The following RSRP1 variants were observed in gnomAD, a reference collection of about 807,000 sequenced individuals.
The protein encoded by RSRP1 is arginine/serine-rich protein 1.
Under a neutral mutation model 33.0 loss-of-function variants are expected in RSRP1, and 37 were observed. The ratio of observed to expected loss-of-function variants is 1.12; its 90% CI spans 0.86 to 1.48. The LOEUF (loss-of-function observed/expected upper bound fraction) is 1.48. Ranked by LOEUF, RSRP1 falls within the 40% of genes most tolerant of loss-of-function variation. RSRP1 has a pLI of 0.00. For synonymous variants in RSRP1, 167 were observed against 158.7 expected (o/e 1.05, Z -0.40); for missense variants, 402 against 385.3 (o/e 1.04, Z -0.36).
At chr1:25,314,474 A>C (rs1182893275) in intron 1 of RSRP1, among the ~76,000 whole-genome samples, 2 of 131,828 alleles carry the variant, frequency 1.5e-5, no homozygotes, top group East Asian at 3.9e-4. Context: ...TATGAATCCC[A>C]CTTTGTGCGT....
At position 25,276,537 on chromosome 1, in the gene RSRP1, A is replaced by C. The variant is rs1466484734; in HGVS notation, c.-66-29508T>G. On this transcript the variant is annotated intron_variant, in intron 1 of 1. Coordinates refer to the RSRP1 transcript ENST00000561867. ...GGGAGACCCCCCCCCATCTCTAAAA[A>C]AAAAAAAAAAAAAAAAAACTTTAAA... is the stretch of plus-strand genomic sequence containing the variant. 2.0e-3 allele frequency among the ~76,000 whole-genome samples: 236 copies of C among 115,916 alleles called. 42 individuals are homozygous for C. The highest frequency in any genetic ancestry group is 3.8e-3 in the Non-Finnish European group (192 of 49,978). The allele number at this position is 115,916 out of a possible 152,430, so 76.0% of individuals were successfully genotyped here. A position where few individuals can be genotyped will look rare whatever the true frequency, so the allele number is the denominator to read the frequency against.
chr1:25,263,029 G>C (rs1477610060), intron 1 of RSRP1, among the ~76,000 whole-genome samples: 1 of 152,212 alleles, frequency 6.6e-6, no homozygotes, highest in East Asian at 1.9e-4. Context: ...TTGTAGGGGA[G>C]GCTGCTATGC....
At chr1:25,331,651 T>G (rs1645010094) in intron 1 of RSRP1, among the ~76,000 whole-genome samples, 2 of 109,408 alleles carry the variant, frequency 1.8e-5, no homozygotes, top group Non-Finnish European at 4.1e-5. Context: ...CACTGAAACC[T>G]CCGCCTCCCA....
intron 1 of RSRP1, among the ~76,000 whole-genome samples, chr1:25,302,824 C>A (rs1441915031): frequency 7.6e-6 from 1 of 131,148 alleles, no homozygotes; most frequent in East Asian, 2.0e-4. Context: ...CTTACAATAA[C>A]CTTATGAAGA....
intron 1 of RSRP1, among the ~76,000 whole-genome samples, chr1:25,306,082 G>GT (rs1338768386): frequency 1.5e-5 from 2 of 131,854 alleles, no homozygotes; most frequent in African/African-American, 5.2e-5. Context: ...CAGCTGTGTT[G>GT]TCTTTGGGAT....
chr1:25,321,809 A>T (rs561624876), intron 1 of RSRP1: 6 of 757,158 alleles, frequency 7.9e-6, no homozygotes, highest in Non-Finnish European at 2.3e-6. Context: ...TGTCGTTTTG[A>T]CACACAATAT....
chr1:25,281,140 C>A (rs1641458972), intron 1 of RSRP1, among the ~76,000 whole-genome samples: 1 of 132,732 alleles, frequency 7.5e-6, no homozygotes. Flanking sequence ...GAGCTAGAGA[C>A]AGCCTAGCCT....
intron 1 of RSRP1, chr1:25,267,932 C>A (rs1473682407): frequency 7.5e-6 from 1 of 132,954 alleles, no homozygotes; most frequent in Non-Finnish European, 1.8e-5. Context: ...TTGTGGTGGG[C>A]GTGGCTCCCT....
rs1481359528 is a variant in RSRP1, at chr1:25,290,532, G to T, written c.-66-43503C>A. On this transcript the variant is annotated intron_variant, in intron 1 of 1. Coordinates refer to the RSRP1 transcript ENST00000561867. ...TGTCTTCTATTCCCACAGAAAGTAG[G>T]TGCCCAACAGTGTTTGTTGAAAGAA... The T allele has an allele frequency of 7.1e-6, 7 of 979,940 alleles. 1 individual carries two copies. The highest frequency in any genetic ancestry group is 1.1e-5 in the Non-Finnish European group (7 of 627,632). 60.7% of individuals were successfully genotyped at this position (979,940 alleles called of 1,614,324 possible).
At chr1:25,320,336 T>C (rs1192271753) in intron 1 of RSRP1, among the ~76,000 whole-genome samples, 2 of 132,040 alleles carry the variant, frequency 1.5e-5, no homozygotes, top group African/African-American at 5.2e-5. Context: ...ATGGTTCTGA[T>C]TTTTTTTAAA....
In RSRP1 at chr1:25,282,056, A is replaced by T. The variant is rs1419653930; in HGVS notation, c.-66-35027T>A. Among the ~76,000 whole-genome samples the T allele has an allele frequency of 1.5e-5, 2 of 131,766 alleles. 1 individual carries two copies. Among genetic ancestry groups the T allele is most frequent in the Admixed American group, 1.5e-4 (2 of 13,506 alleles). 86.4% of individuals were successfully genotyped at this position (131,766 alleles called of 152,430 possible). On this transcript the variant is annotated intron_variant, in intron 1 of 1. Transcript: ENST00000561867. ...GATTGTCATGATGATGTTGATGAAC[A>T]GTCACTATTTATTGAGCGTTCTCCA...
chr1:25,244,359 T>C lies in RSRP1; in HGVS notation c.673-726A>G, dbSNP rs952243922. On this transcript the variant is annotated intron_variant, in intron 3 of 4. Transcript: ENST00000243189. ...ATAGTGCCTGTCCCAAATTCTAGCA[T>C]GCACATGGATCTACCAACAAAAAAA... 8.5e-6 allele frequency: 11 copies of C among 1,288,728 alleles called. 1 individual carries two copies. In the South Asian group the frequency reaches 1.4e-4, roughly 16 times the overall value. The allele number at this position is 1,288,728 out of a possible 1,614,324, so 79.8% of individuals were successfully genotyped here.
intron 1 of RSRP1, among the ~76,000 whole-genome samples, chr1:25,252,512 G>A (rs1639820178): frequency 1.3e-5 from 2 of 151,650 alleles, no homozygotes; most frequent in Non-Finnish European, 2.9e-5. Context: ...TGGAGCTTCA[G>A]CGTAGTCTGG....
At chr1:25,243,150 T>C (rs1276292624) in intron 4 of RSRP1, among the ~76,000 whole-genome samples, 1 of 152,082 alleles carries the variant, frequency 6.6e-6, no homozygotes, top group Non-Finnish European at 1.5e-5. Flanking sequence ...TAATTGTAGC[T>C]TGATTCAAAA....
Position 25,286,509 on chromosome 1 carries a change from G to A in RSRP1, c.-66-39480C>T, listed in dbSNP as rs563744952. ...GTCTCAAAAAACAGTTTTAGGGGCC[G>A]GGCGCAGTGGTTCATGCCTGTAATC... On this transcript the variant is annotated intron_variant, in intron 1 of 1. Coordinates refer to the RSRP1 transcript ENST00000561867. Among the ~76,000 whole-genome samples, 16 of 135,008 alleles carry A rather than the reference G, an allele frequency of 1.2e-4. 1 individual carries two copies. Among genetic ancestry groups the A allele is most frequent in the East Asian group, 3.9e-4 (2 of 5,166 alleles). 88.6% of individuals were successfully genotyped at this position (135,008 alleles called of 152,430 possible).
At chr1:25,334,378 C>T (rs1292378547) in intron 1 of RSRP1, among the ~76,000 whole-genome samples, 1 of 132,488 alleles carries the variant, frequency 7.5e-6, no homozygotes, top group African/African-American at 2.6e-5. Flanking sequence ...TCTTGGGCAG[C>T]TCTGCCCCTG....
At chr1:25,270,568 C>T (rs1190755783) in intron 1 of RSRP1, among the ~76,000 whole-genome samples, 1 of 131,986 alleles carries the variant, frequency 7.6e-6, no homozygotes, top group Non-Finnish European at 1.8e-5. Flanking sequence ...AACCTCACCC[C>T]GGTCCATGGA....
At chr1:25,297,065 A>T (rs1643015935) in intron 1 of RSRP1, among the ~76,000 whole-genome samples, 3 of 129,590 alleles carry the variant, frequency 2.3e-5, no homozygotes. Flanking sequence ...TCTAGAAAAA[A>T]ATATATATTT....
chr1:25,261,422 T>TG (rs1640144470), intron 1 of RSRP1, among the ~76,000 whole-genome samples: 1 of 151,070 alleles, frequency 6.6e-6, no homozygotes, highest in Admixed American at 6.6e-5. Flanking sequence ...TTTTTTTTTT[T>TG]GAGACAGAGT....
Sources: allele counts gnomAD v4.1 joint callset (sites outside exome capture counted in the v4.1 genomes callset), GRCh38; gene constraint gnomAD v4.1.1; transcripts MANE v1.5; gene names NCBI Gene and HGNC (gene_info 2026-07-23, HGNC 2026-07-21).